TBC1D19: variants seen among roughly 807,000 people sequenced by gnomAD.
The protein encoded by TBC1D19 is TBC1 domain family, member 19.
TBC1D19 carries 60 observed loss-of-function variants against 89.0 expected under a neutral mutation model. That is an observed-to-expected ratio of 0.67 (90% confidence interval 0.55 to 0.84). The LOEUF is 0.84. Ranked by LOEUF, TBC1D19 falls within the 40% of genes least tolerant of loss-of-function variation. TBC1D19 has a pLI of 0.00. For synonymous variants in TBC1D19, 189 were observed against 199.7 expected (o/e 0.95, Z 0.45); for missense variants, 500 against 610.8 (o/e 0.82, Z 1.91).
chr4:26,823,557 G>T, the TBC1D19 span, among the ~76,000 whole-genome samples: 3 of 152,202 alleles, frequency 2.0e-5, no homozygotes, highest in African/African-American at 4.8e-5. Flanking sequence ...CTACCATGGG[G>T]AGAGAGCCCA....
At chr4:26,745,497 CTTTTTTTTTTTT>C (rs71186486) in intron 18 of TBC1D19, among the ~76,000 whole-genome samples, 27 of 40,604 alleles carry the variant, frequency 6.6e-4, no homozygotes, top group East Asian at 3.1e-3. Context: ...CAATATACTT[CTTTTTTTTTTTT>C]TTTTTTTTTT....
At chr4:26,659,965 G>A (rs1745120658) in intron 8 of TBC1D19, among the ~76,000 whole-genome samples, 1 of 152,168 alleles carries the variant, frequency 6.6e-6, no homozygotes, top group African/African-American at 2.4e-5. Flanking sequence ...TTATGAGACA[G>A]CTTGTTGGGA....
intron 4 of TBC1D19, among the ~76,000 whole-genome samples, chr4:26,621,663 G>T (rs1206751923): frequency 6.6e-6 from 1 of 151,734 alleles, no homozygotes; most frequent in Non-Finnish European, 1.5e-5. Flanking sequence ...GTGAAAAGAA[G>T]CAATATAAAT....
rs56853889 is a variant in TBC1D19 at position 26,591,700 on chromosome 4, C to A, written c.99+7408C>A. On this transcript the variant is annotated intron_variant, in intron 1 of 20. Transcript: ENST00000264866. ...AAATACAAACTACCATCAGAGAATA[C>A]TATAAACACATCTACGCAAATAAAC... Among the ~76,000 whole-genome samples the A allele has an allele frequency of 3.9e-4, 60 of 152,288 alleles. 1 individual carries two copies. The highest frequency in any genetic ancestry group is 1.4e-3 in the African/African-American group (58 of 41,556).
chr4:26,712,875 C>A (rs1455109993), intron 13 of TBC1D19, among the ~76,000 whole-genome samples: 1 of 151,920 alleles, frequency 6.6e-6, no homozygotes, highest in Non-Finnish European at 1.5e-5. Flanking sequence ...ACCCAGACAC[C>A]TCCCACTAGG....
chr4:26,577,739 C>T (rs1739003024), intron 1 of TBC1D19, among the ~76,000 whole-genome samples: 1 of 152,192 alleles, frequency 6.6e-6, no homozygotes, highest in African/African-American at 2.4e-5. Flanking sequence ...CCACTGGATT[C>T]AGTGTCACTA....
At chr4:26,577,449 C>T (rs908108651) in intron 1 of TBC1D19, among the ~76,000 whole-genome samples, 3 of 152,166 alleles carry the variant, frequency 2.0e-5, no homozygotes, top group African/African-American at 7.2e-5. Flanking sequence ...CTTAAAGTTG[C>T]AAGAACCCAG....
chr4:26,796,199 T>C, the TBC1D19 span, among the ~76,000 whole-genome samples: 1 of 152,238 alleles, frequency 6.6e-6, no homozygotes, highest in Admixed American at 6.5e-5. Context: ...GTACTTTTTC[T>C]TCTTAATGAA....
the TBC1D19 span, among the ~76,000 whole-genome samples, chr4:26,807,185 G>T: frequency 6.6e-6 from 1 of 152,226 alleles, no homozygotes; most frequent in East Asian, 1.9e-4. Flanking sequence ...CTCAGGAGAC[G>T]CAGCAGGGAT....
At chr4:26,688,517 G>A in intron 13 of TBC1D19, 110 bp downstream of exon 13, 1 of 1,265,244 alleles carries the variant, frequency 7.9e-7, no homozygotes, top group Non-Finnish European at 1.0e-6. Flanking sequence ...TCCATGGCAT[G>A]CTTGTCGGAT....
chr4:26,753,495 C>T (rs1719093535), intron 19 of TBC1D19, among the ~76,000 whole-genome samples: 1 of 152,072 alleles, frequency 6.6e-6, no homozygotes, highest in Non-Finnish European at 1.5e-5. Flanking sequence ...ACAAAAAAAA[C>T]TCATTAGATC....
chr4:26,604,762 TCC>T (rs1740869524), intron 1 of TBC1D19, among the ~76,000 whole-genome samples: 1 of 151,514 alleles, frequency 6.6e-6, no homozygotes, highest in Non-Finnish European at 1.5e-5. Flanking sequence ...GTGCCTGTAG[TCC>T]TAGCTACTCG....
At chr4:26,696,480 A>G (rs1048496177) in intron 13 of TBC1D19, among the ~76,000 whole-genome samples, 5 of 152,216 alleles carry the variant, frequency 3.3e-5, no homozygotes, top group Non-Finnish European at 5.9e-5. Context: ...ATATCCAGGA[A>G]TTGAACTCAG....
At chr4:26,846,331 AG>A in the TBC1D19 span, among the ~76,000 whole-genome samples, 1 of 152,182 alleles carries the variant, frequency 6.6e-6, no homozygotes, top group African/African-American at 2.4e-5. Context: ...TGTTAATAGG[AG>A]AAAAAACTTA....
In TBC1D19 at chr4:26,755,395, T is replaced by G. The variant is rs1469920116; in HGVS notation, c.*448T>G. On this transcript the variant is annotated 3_prime_UTR_variant, in exon 21 of 21. Transcript: ENST00000264866. ...ATTGCTCCTCACTAAGAGCCAGGGG[T>G]GGGGTAGGGTGTGAGAACACTTGAA... 2 of 152,154 alleles carry G rather than the reference T, an allele frequency of 1.3e-5. No individual in the cohort carries two copies. The highest frequency in any genetic ancestry group is 3.9e-4 in the East Asian group (2 of 5,188). 9.4% of individuals were successfully genotyped at this position (152,154 alleles called of 1,614,324 possible). A position where few individuals can be genotyped will look rare whatever the true frequency, so the allele number is the denominator to read the frequency against.
At chr4:26,614,742 T>C (rs1029963469) in intron 3 of TBC1D19, among the ~76,000 whole-genome samples, 3 of 152,140 alleles carry the variant, frequency 2.0e-5, no homozygotes, top group African/African-American at 7.2e-5. Context: ...AGTGCAATGA[T>C]CTTGGCTTAA....
At chr4:26,842,271 T>C in the TBC1D19 span, among the ~76,000 whole-genome samples, 1 of 152,010 alleles carries the variant, frequency 6.6e-6, no homozygotes, top group Non-Finnish European at 1.5e-5. Flanking sequence ...TGTTCTCACC[T>C]GACATCATCC....
At chr4:26,848,151 T>G in the TBC1D19 span, among the ~76,000 whole-genome samples, 2 of 152,198 alleles carry the variant, frequency 1.3e-5, no homozygotes, top group Non-Finnish European at 2.9e-5. Context: ...GTAGACTGAT[T>G]AAAGACTGCT....
chr4:26,855,576 T>A, the TBC1D19 span, among the ~76,000 whole-genome samples: 3 of 152,338 alleles, frequency 2.0e-5, no homozygotes, highest in African/African-American at 7.2e-5. Flanking sequence ...CCATTTTTTT[T>A]ATACATTCAA....
Sources: allele counts gnomAD v4.1 joint callset (sites outside exome capture counted in the v4.1 genomes callset), GRCh38; gene constraint gnomAD v4.1.1; transcripts MANE v1.5; gene names NCBI Gene and HGNC (gene_info 2026-07-23, HGNC 2026-07-21).